The following FNDC1 variants were observed in gnomAD, a reference collection of about 807,000 sequenced individuals.
FNDC1 encodes fibronectin type III domain containing 1, also known as fibronectin type III domain-containing protein 1.
A neutral mutation model predicts 168.0 loss-of-function variants in FNDC1; 96 were observed. That is an observed-to-expected ratio of 0.57 (90% confidence interval 0.48 to 0.68). FNDC1 has a LOEUF of 0.68. Among genes scored for constraint, FNDC1 ranks in the 30% least tolerant of loss-of-function variants. The pLI is 0.00. For synonymous variants in FNDC1, 1,099 were observed against 1,025.9 expected (o/e 1.07, Z -1.36); for missense variants, 2,587 against 2,482.1 (o/e 1.04, Z -0.90).
intron 18 of FNDC1, among the ~76,000 whole-genome samples, chr6:159,257,861 A>G (rs1484675321): frequency 6.6e-6 from 1 of 152,064 alleles, no homozygotes; most frequent in Non-Finnish European, 1.5e-5. Flanking sequence ...TTAATCAATT[A>G]GAGAAAACAA....
rs190227277 is a variant in FNDC1 at position 159,185,324 on chromosome 6, A to G, written c.110-12107A>G. On this transcript the variant is annotated intron_variant, in intron 1 of 22. Coordinates refer to ENST00000297267, the MANE Select transcript of FNDC1 (RefSeq NM_032532.3). The stretch of plus-strand genomic sequence containing the variant: ...AGAGGGGATCCCTTAAAAATAACAA[A>G]CAGAAAGTAATGAAAATTAAACCAA... 2.6e-5 allele frequency among the ~76,000 whole-genome samples: 4 copies of G among 152,308 alleles called. No homozygotes were observed. In the East Asian group the frequency reaches 5.8e-4, roughly 22 times the overall value.
At chr6:159,241,692 A>G (rs979798721) in intron 14 of FNDC1, among the ~76,000 whole-genome samples, 1 of 152,220 alleles carries the variant, frequency 6.6e-6, no homozygotes, top group Non-Finnish European at 1.5e-5. Flanking sequence ...CTACTGTTTC[A>G]CTAACAACTT....
chr6:159,210,296 G>A (rs1003057013), intron 4 of FNDC1, among the ~76,000 whole-genome samples: 1 of 152,208 alleles, frequency 6.6e-6, no homozygotes, highest in Non-Finnish European at 1.5e-5. Context: ...GAGAGCTAGG[G>A]CTACCGATCC....
chr6:159,250,456 G>A (rs1777229260), intron 16 of FNDC1, among the ~76,000 whole-genome samples: 1 of 152,218 alleles, frequency 6.6e-6, no homozygotes, highest in African/African-American at 2.4e-5. Context: ...TTCAGAAATT[G>A]CCAGACATTG....
chr6:159,196,743 G>A (rs773478146), intron 1 of FNDC1, among the ~76,000 whole-genome samples: 2 of 152,138 alleles, frequency 1.3e-5, no homozygotes, highest in Non-Finnish European at 2.9e-5. Context: ...TTGACAAAAT[G>A]TTATGTTTCA....
At chr6:159,243,686 T>A (rs915093032) in intron 14 of FNDC1, among the ~76,000 whole-genome samples, 2 of 152,226 alleles carry the variant, frequency 1.3e-5, no homozygotes, top group African/African-American at 4.8e-5. Context: ...TAGTTCTGAA[T>A]GGTTTAAAAT....
At chr6:159,192,307 GA>G in intron 1 of FNDC1, among the ~76,000 whole-genome samples, 1 of 152,070 alleles carries the variant, frequency 6.6e-6, no homozygotes, top group Non-Finnish European at 1.5e-5. Context: ...ACAAAACCAA[GA>G]CCAAAAGCAA....
chr6:159,232,425 G>C lies in FNDC1; in HGVS notation c.1913G>C (p.Ser638Thr). 6.2e-7 allele frequency: 1 copy of C among 1,612,012 alleles called. No individual in the cohort carries two copies. ...TCTCATCGTCCTTCCCTGCCTGCCA[G>C]CTTGAATGACAACGACTTGGTGGAC... ...GTSHRPSLPASLNDNDLVDSD... is the reference protein window; with the variant it reads ...GTSHRPSLPATLNDNDLVDSD... Residue 638 changes from serine to threonine, a missense_variant, in exon 11 of 23, where the codon AGC becomes ACC. Transcript: ENST00000297267. This position sits in a 1 kb window ranked among gnomAD's most constrained non-coding sequence, Gnocchi z 4.9.
chr6:159,227,513 G>A (rs958497928), intron 9 of FNDC1, among the ~76,000 whole-genome samples: 1 of 151,946 alleles, frequency 6.6e-6, no homozygotes, highest in East Asian at 1.9e-4. Flanking sequence ...CAAAAGTTAT[G>A]TTTGCTGACA....
At chr6:159,254,004 G>A (rs1777323268) in intron 17 of FNDC1, among the ~76,000 whole-genome samples, 1 of 152,220 alleles carries the variant, frequency 6.6e-6, no homozygotes, top group African/African-American at 2.4e-5. Flanking sequence ...GAGGAGGGCA[G>A]CAACTCTTCC....
intron 1 of FNDC1, among the ~76,000 whole-genome samples, chr6:159,174,536 T>C (rs1273225406): frequency 6.6e-6 from 1 of 152,284 alleles, no homozygotes; most frequent in Non-Finnish European, 1.5e-5. Context: ...TGCGGCTTTA[T>C]AGAGATAAGA....
chr6:159,243,925 G>T (rs558946028), intron 14 of FNDC1, among the ~76,000 whole-genome samples: 4 of 152,080 alleles, frequency 2.6e-5, no homozygotes, highest in Non-Finnish European at 4.4e-5. Context: ...GAACTCATTT[G>T]CTGGTAAAAG....
intron 4 of FNDC1, 61 bp from the exon 5 acceptor site, chr6:159,214,884 C>T: frequency 6.7e-7 from 1 of 1,481,724 alleles, no homozygotes; most frequent in South Asian, 1.2e-5. Flanking sequence ...ACCTCATGTG[C>T]ATGATGGCAA....
Position 159,226,573 on chromosome 6 carries a change from A to C in FNDC1, c.1173A>C (p.Lys391Asn), listed in dbSNP as rs532631130. ...ATGCGCTACCAGAGACTGAGGGGAA[A>C]GTGAAAGGTAGGAATCTCACTCCCT... ...SWDALPETEGKVKEYILSYAP... is the reference protein window; with the variant it reads ...SWDALPETEGNVKEYILSYAP... Residue 391 changes from lysine (K) to asparagine (N), a missense_variant, in exon 9 of 23, where the codon AAA (lysine) becomes AAC (asparagine). Transcript: ENST00000297267. 20 of 1,601,798 alleles carry C rather than the reference A, an allele frequency of 1.2e-5. No homozygotes were observed. Among genetic ancestry groups the C allele is most frequent in the Non-Finnish European group, 1.7e-5 (20 of 1,173,482 alleles).
At chr6:159,237,646 A>G (rs1303888349) in intron 12 of FNDC1, among the ~76,000 whole-genome samples, 2 of 152,216 alleles carry the variant, frequency 1.3e-5, no homozygotes, top group African/African-American at 2.4e-5. Context: ...TATGCTAGCA[A>G]TTCACATTCA....
At chr6:159,271,255 G>C in intron 22 of FNDC1, 72 bp from the exon 23 acceptor site, 1 of 969,430 alleles carries the variant, frequency 1.0e-6, no homozygotes, top group Middle Eastern at 2.1e-4. Flanking sequence ...TCTGAAGGAG[G>C]CTGTAAGGAT....
In FNDC1 at chr6:159,219,199, C is replaced by T. The variant is rs142443627; in HGVS notation, c.668-2399C>T. The stretch of plus-strand genomic sequence containing the variant: ...AGGACTACAGGCACCTGCCACCATG[C>T]CCAGCTAATTTCTGTATTTTTAGTA... On this transcript the variant is annotated intron_variant, in intron 5 of 22. Transcript: ENST00000297267. Among the ~76,000 whole-genome samples, 146 of 152,262 alleles carry T rather than the reference C, an allele frequency of 9.6e-4. 2 individuals carry two copies. Among genetic ancestry groups the T allele is most frequent in the African/African-American group, 3.5e-3 (144 of 41,544 alleles).
intron 1 of FNDC1, among the ~76,000 whole-genome samples, chr6:159,175,994 G>C (rs1781752484): frequency 6.6e-6 from 1 of 152,224 alleles, no homozygotes; most frequent in East Asian, 1.9e-4. Context: ...AGGTGGTGAG[G>C]CTGATGCTCA....
chr6:159,260,455 A>G (rs936013082), intron 18 of FNDC1, among the ~76,000 whole-genome samples: 3 of 152,200 alleles, frequency 2.0e-5, no homozygotes, highest in Admixed American at 6.5e-5. Flanking sequence ...TTAGCCCTAC[A>G]GAAAAGCCTC....
Sources: gnomAD v4.1 joint callset for allele counts (sites outside exome capture counted in the v4.1 genomes callset) on GRCh38, gnomAD v4.1.1 for gene constraint, Gnocchi (gnomAD v3.1) non-coding constraint, MANE v1.5 for transcripts, NCBI Gene and HGNC (gene_info 2026-07-23, HGNC 2026-07-21) for gene names.